Variants in KLHL22 observed in about 807,000 individuals in gnomAD.
The protein encoded by KLHL22 is kelch-like protein 22.
KLHL22 carries 18 observed loss-of-function variants against 60.7 expected under a neutral mutation model. That is an observed-to-expected ratio of 0.30 (90% confidence interval 0.20 to 0.44). The LOEUF (loss-of-function observed/expected upper bound fraction) is 0.44. Among genes scored for constraint, KLHL22 ranks in the 20% least tolerant of loss-of-function variants. The probability of loss-of-function intolerance (pLI) is 1.00; values close to 1 mark genes in which losing one functional copy is unlikely to be tolerated. For missense variants in KLHL22, 596 were observed against 852.3 expected (o/e 0.70, Z 3.74); for synonymous variants, 355 against 354.5 (o/e 1.00, Z -0.01).
chr22:20,480,671 T>C (rs5749713), intron 2 of KLHL22, among the ~76,000 whole-genome samples: 10,755 of 152,154 alleles, frequency 0.071, 853 homozygotes, highest in East Asian at 0.46. Context: ...TAGGATCTTA[T>C]ATCCCACGGG....
intron 4 of KLHL22, among the ~76,000 whole-genome samples, chr22:20,460,882 A>G (rs2053143756): frequency 6.6e-6 from 1 of 152,180 alleles, no homozygotes. Flanking sequence ...TTCCCCCAAA[A>G]CCCCTATGTT....
At chr22:20,489,747 G>A in intron 1 of KLHL22, 1 of 471,160 alleles carries the variant, frequency 2.1e-6, no homozygotes, top group Non-Finnish European at 4.4e-6. Context: ...CATAGTAATG[G>A]ATGCATAAAA....
chr22:20,459,476 T>C (rs2053118984), intron 4 of KLHL22, among the ~76,000 whole-genome samples: 1 of 152,178 alleles, frequency 6.6e-6, no homozygotes, highest in Admixed American at 6.5e-5. Flanking sequence ...GCATCAGTTT[T>C]AATCTCTTGG....
chr22:20,449,751 C>T (rs2052944128), intron 5 of KLHL22, among the ~76,000 whole-genome samples: 1 of 151,936 alleles, frequency 6.6e-6, no homozygotes, highest in East Asian at 1.9e-4. Context: ...TTATTTAATA[C>T]TAGTCCTTTG....
chr22:20,450,763 C>G (rs1218227165), intron 5 of KLHL22: 1 of 1,325,322 alleles, frequency 7.5e-7, no homozygotes, highest in East Asian at 2.3e-5. Context: ...AGACTCCTTG[C>G]CCAGCCTGCT....
At chr22:20,494,074 G>GGC (rs1555915684) in intron 1 of KLHL22, among the ~76,000 whole-genome samples, 7 of 122,310 alleles carry the variant, frequency 5.7e-5, no homozygotes, top group African/African-American at 2.2e-4. Context: ...GCCAGACTTT[G>GGC]CCCCCCCCCC....
intron 3 of KLHL22, among the ~76,000 whole-genome samples, chr22:20,467,880 G>C (rs1319151205): frequency 6.6e-6 from 1 of 152,252 alleles, no homozygotes; most frequent in East Asian, 1.9e-4. Flanking sequence ...GGATGGTCTC[G>C]ATCTCCTGAC....
chr22:20,444,633 C>T (rs2052825185), intron 6 of KLHL22, among the ~76,000 whole-genome samples: 1 of 152,142 alleles, frequency 6.6e-6, no homozygotes, highest in Non-Finnish European at 1.5e-5. Flanking sequence ...ACCTGAAAAG[C>T]TCAACAAAGC....
chr22:20,494,569 CG>C (rs1473022409), intron 1 of KLHL22, among the ~76,000 whole-genome samples: 1 of 151,926 alleles, frequency 6.6e-6, no homozygotes, highest in Non-Finnish European at 1.5e-5. Context: ...TTAGTAGAGA[CG>C]GGGTTTCACC....
rs1402461663 is a variant in KLHL22 at position 20,465,046 on chromosome 22, G to A, written c.924C>T (p.Ser308=). The change falls in exon 4 of 7, where the codon TCC becomes TCT. Residue 308 remains serine (S), a synonymous_variant. Coordinates refer to ENST00000328879, the MANE Select transcript of KLHL22 (RefSeq NM_032775.4). This position sits in a 1 kb window ranked among gnomAD's most constrained non-coding sequence, Gnocchi z 4.9. ...QCVVGFGGIH[S]TPSTVLSDQA... is the part of the protein sequence containing the mutation. ...GGTCGCTGAGGACAGTGGACGGCGT[G>A]GAGTGAATGCCCCCGAAGCCCACAA... 6.2e-7 allele frequency: 1 copy of A among 1,611,598 alleles called. No individual in the cohort carries two copies. Among genetic ancestry groups the A allele is most frequent in the Non-Finnish European group, 8.5e-7 (1 of 1,178,518 alleles).
At chr22:20,488,314 A>C (rs1601392329) in intron 2 of KLHL22, among the ~76,000 whole-genome samples, 1 of 152,314 alleles carries the variant, frequency 6.6e-6, no homozygotes, top group African/African-American at 2.4e-5. Flanking sequence ...ATGTGAAATA[A>C]GGGTGGTGAC....
chr22:20,445,396 T>C (rs1304226754), intron 6 of KLHL22, among the ~76,000 whole-genome samples: 1 of 151,916 alleles, frequency 6.6e-6, no homozygotes, highest in Non-Finnish European at 1.5e-5. Flanking sequence ...TTAGTAGAGA[T>C]GGAGTTTCAC....
Position 20,442,396 on chromosome 22 carries a change from A to G in KLHL22, c.1582T>C (p.Cys528Arg). The change falls in exon 7 of 7, where the codon TGC (cysteine) becomes CGC (arginine). Residue 528 changes from cysteine (C) to arginine (R), a missense_variant. Transcript: ENST00000328879. The part of the protein sequence containing the change: ...SCTSGQWSSV[C>R]PLPAGHGEPG... ...TCACCGTGCCCAGCAGGGAGTGGGC[A>G]GACAGATGACCACTGTCCAGACGTG... is the stretch of plus-strand genomic sequence containing the variant. The G allele has an allele frequency of 1.2e-6, 2 of 1,612,424 alleles. No individual in the cohort carries two copies. The highest frequency in any genetic ancestry group is 1.7e-6 in the Non-Finnish European group (2 of 1,179,176).
intron 2 of KLHL22, among the ~76,000 whole-genome samples, chr22:20,477,015 C>T (rs1310323224): frequency 1.3e-5 from 2 of 151,346 alleles, no homozygotes; most frequent in African/African-American, 4.9e-5. Flanking sequence ...CGGACACAAA[C>T]TTTTACCATT....
intron 5 of KLHL22, 149 bp downstream of exon 5, chr22:20,457,659 A>G (rs1267883036): frequency 1.4e-5 from 9 of 646,458 alleles, no homozygotes; most frequent in Non-Finnish European, 2.1e-5. Flanking sequence ...AATGCATTCA[A>G]TGCAGGGTCT....
At chr22:20,476,911 T>G (rs1431900486) in intron 2 of KLHL22, among the ~76,000 whole-genome samples, 1 of 150,616 alleles carries the variant, frequency 6.6e-6, no homozygotes, top group African/African-American at 2.4e-5. Flanking sequence ...TTCACCATGT[T>G]GGTCAGACTG....
At chr22:20,452,014 G>A (rs1051692208) in intron 5 of KLHL22, among the ~76,000 whole-genome samples, 6 of 152,024 alleles carry the variant, frequency 3.9e-5, no homozygotes, top group African/African-American at 1.4e-4. Flanking sequence ...GAGAAGGGTG[G>A]GTAACAGATA....
At chr22:20,477,296 C>A (rs576275168) in intron 2 of KLHL22, among the ~76,000 whole-genome samples, 2 of 152,048 alleles carry the variant, frequency 1.3e-5, no homozygotes, top group South Asian at 4.2e-4. Flanking sequence ...GTGGTTGAGG[C>A]ATGAGAATCA....
At chr22:20,477,260 G>A (rs947699898) in intron 2 of KLHL22, among the ~76,000 whole-genome samples, 1 of 151,946 alleles carries the variant, frequency 6.6e-6, no homozygotes, top group Non-Finnish European at 1.5e-5. Flanking sequence ...GCATGGTGGT[G>A]CACACCTGTA....
Sources: allele counts gnomAD v4.1 joint callset (sites outside exome capture counted in the v4.1 genomes callset), GRCh38; gene constraint gnomAD v4.1.1; non-coding constraint Gnocchi (gnomAD v3.1); transcripts MANE v1.5; gene names NCBI Gene and HGNC (gene_info 2026-07-23, HGNC 2026-07-21).